The following TG variants were observed in gnomAD, a reference collection of about 807,000 sequenced individuals.
TG encodes the protein thyroglobulin, also known as thyroid hormones.
In TG, 270 loss-of-function variants were observed where a neutral mutation model predicts 324.7. The observed-to-expected ratio is 0.83, with a 90% CI of 0.75 to 0.92. TG has a LOEUF of 0.92. Ranked by LOEUF, TG falls within the 40% of genes least tolerant of loss-of-function variation. The probability of loss-of-function intolerance (pLI) is 0.00; values close to 1 mark genes in which losing one functional copy is unlikely to be tolerated. For missense variants in TG, 3,591 were observed against 3,456.4 expected (o/e 1.04, Z -0.98); for synonymous variants, 1,401 against 1,327.0 (o/e 1.06, Z -1.21).
intron 45 of TG, among the ~76,000 whole-genome samples, chr8:133,129,102 G>C (rs997370975): frequency 1.3e-5 from 2 of 152,312 alleles, no homozygotes; most frequent in South Asian, 2.1e-4. Context: ...TCGACTCCCA[G>C]ATTCCCTCTT....
intron 21 of TG, among the ~76,000 whole-genome samples, chr8:132,920,071 T>G (rs1271357383): frequency 6.6e-6 from 1 of 152,358 alleles, no homozygotes; most frequent in Non-Finnish European, 1.5e-5. Context: ...GTCAACCTTA[T>G]CAGATTGAAA....
chr8:133,012,477 T>G (rs1290151601), intron 36 of TG, among the ~76,000 whole-genome samples: 1 of 152,206 alleles, frequency 6.6e-6, no homozygotes, highest in East Asian at 1.9e-4. Context: ...TTGAATGACT[T>G]TTTAATAGGC....
At chr8:133,029,596 A>G (rs1836429882) in intron 40 of TG, among the ~76,000 whole-genome samples, 2 of 152,220 alleles carry the variant, frequency 1.3e-5, no homozygotes, top group Non-Finnish European at 2.9e-5. Flanking sequence ...AACATGATCA[A>G]GGTCTCCTAG....
At chr8:133,102,278 C>T (rs751753907) in intron 43 of TG, 47 of 387,308 alleles carry the variant, frequency 1.2e-4, no homozygotes, top group African/African-American at 5.2e-4. Context: ...CTCATGCCAA[C>T]GCTGCATAAG....
chr8:133,050,767 A>T (rs1329973020), intron 41 of TG: 1 of 1,217,332 alleles, frequency 8.2e-7, no homozygotes, highest in Non-Finnish European at 1.2e-6. Flanking sequence ...CTCCCAAACC[A>T]AGTTTATCCT....
chr8:133,133,374 G>T (rs2130421927), intron 46 of TG, 96 bp from the exon 47 acceptor site: 1 of 1,240,476 alleles, frequency 8.1e-7, no homozygotes, highest in Non-Finnish European at 1.2e-6. Flanking sequence ...TACATGAATT[G>T]TCCCTCAGAT....
intron 35 of TG, among the ~76,000 whole-genome samples, chr8:132,985,367 G>A (rs951954886): frequency 3.9e-5 from 6 of 152,114 alleles, no homozygotes; most frequent in Admixed American, 2.0e-4. Context: ...TGGTAGCCAT[G>A]GGTGGGAGGG....
chr8:132,883,619 C>G (rs944132321), intron 8 of TG, among the ~76,000 whole-genome samples: 2 of 152,082 alleles, frequency 1.3e-5, no homozygotes, highest in African/African-American at 4.8e-5. Flanking sequence ...GTTATCCTAA[C>G]AAAGGCTTGG....
chr8:133,096,165 G>T (rs1296141982), intron 42 of TG, 41 bp from the exon 43 acceptor site: 2 of 1,611,966 alleles, frequency 1.2e-6, no homozygotes, highest in African/African-American at 2.7e-5. Context: ...CAGTGCAACT[G>T]ATTATTCCAG....
At chr8:133,104,303 A>G (rs991719893) in intron 43 of TG, among the ~76,000 whole-genome samples, 2 of 152,226 alleles carry the variant, frequency 1.3e-5, no homozygotes, top group African/African-American at 2.4e-5. Context: ...TTTCAAGCTA[A>G]TAATAGAAGG....
intron 41 of TG, among the ~76,000 whole-genome samples, chr8:133,066,267 A>G (rs13439049): frequency 0.27 from 39,125 of 146,354 alleles, 5,208 homozygotes; most frequent in South Asian, 0.31. Context: ...CAGAGCTTGC[A>G]GTGAGCTGAG....
chr8:132,955,311 C>G (rs1025181051), intron 27 of TG, among the ~76,000 whole-genome samples: 1 of 152,128 alleles, frequency 6.6e-6, no homozygotes, highest in Non-Finnish European at 1.5e-5. Context: ...GTTCAGTGGC[C>G]CCAGTGAAGG....
At chr8:133,089,082 C>T (rs185075236) in intron 41 of TG, among the ~76,000 whole-genome samples, 5 of 152,272 alleles carry the variant, frequency 3.3e-5, no homozygotes, top group African/African-American at 7.2e-5. Context: ...CAGGAGAGGT[C>T]GGTGCGAGGG....
At chr8:133,012,509 ATTC>A (rs1401462945) in intron 36 of TG, among the ~76,000 whole-genome samples, 1 of 152,242 alleles carries the variant, frequency 6.6e-6, no homozygotes, top group Non-Finnish European at 1.5e-5. Context: ...CAGATGCATA[ATTC>A]TTTTAGAGAG....
At chr8:132,927,681 CA>C (rs1021373569) in intron 22 of TG, among the ~76,000 whole-genome samples, 6 of 152,184 alleles carry the variant, frequency 3.9e-5, no homozygotes, top group African/African-American at 1.4e-4. Context: ...TTCTGAAAAC[CA>C]GCAGATTCTC....
intron 20 of TG, among the ~76,000 whole-genome samples, chr8:132,917,889 ATTTTTT>A (rs71299038): frequency 1.4e-5 from 2 of 138,810 alleles, no homozygotes; most frequent in African/African-American, 5.1e-5. Flanking sequence ...GGTTTTTGCA[ATTTTTT>A]TTTTTTTTTT....
At chr8:133,005,120 G>A (rs1302232490) in intron 35 of TG, among the ~76,000 whole-genome samples, 1 of 152,174 alleles carries the variant, frequency 6.6e-6, no homozygotes, top group Non-Finnish European at 1.5e-5. Context: ...TGCTAAGCTC[G>A]TGAAACCTTG....
intron 21 of TG, among the ~76,000 whole-genome samples, chr8:132,920,962 C>T (rs1425086617): frequency 6.6e-6 from 1 of 152,222 alleles, no homozygotes; most frequent in Non-Finnish European, 1.5e-5. Context: ...GGCTGGAAGT[C>T]TGAGGTCAGT....
intron 4 of TG, among the ~76,000 whole-genome samples, chr8:132,872,074 A>G (rs1450724864): frequency 6.6e-6 from 1 of 152,222 alleles, no homozygotes; most frequent in Non-Finnish European, 1.5e-5. Flanking sequence ...TTTATAGAAG[A>G]AGGATATAAA....
Sources: allele counts gnomAD v4.1 joint callset (sites outside exome capture counted in the v4.1 genomes callset), GRCh38; gene constraint gnomAD v4.1.1; transcripts MANE v1.5; gene names NCBI Gene and HGNC (gene_info 2026-07-23, HGNC 2026-07-21).